IFT46: variants seen among roughly 807,000 people sequenced by gnomAD.
IFT46 encodes intraflagellar transport protein 46 homolog.
In IFT46, 19 loss-of-function variants were observed where a neutral mutation model predicts 39.6. That is an observed-to-expected ratio of 0.48 (90% CI 0.33 to 0.70). The LOEUF (loss-of-function observed/expected upper bound fraction) is 0.70, where lower values mean the gene tolerates loss of function less well. Among genes scored for constraint, IFT46 ranks in the 30% least tolerant of loss-of-function variants. The pLI, the probability that IFT46 is intolerant of heterozygous loss-of-function variation, is 0.01. For synonymous variants in IFT46, 117 were observed against 134.8 expected, an observed-to-expected ratio of 0.87 and a Z score of 0.91; for missense variants, 334 against 364.8, an observed-to-expected ratio of 0.92 and a Z score of 0.69.
chr11:118,572,265 T>C (rs535153076), intron 1 of IFT46: 1 of 458,336 alleles, frequency 2.2e-6, no homozygotes, highest in East Asian at 3.3e-5. Flanking sequence ...GTTCCACAGC[T>C]GGAGGGTGAA....
chr11:118,558,581 C>A (rs1206267111), intron 3 of IFT46, among the ~76,000 whole-genome samples: 3 of 151,624 alleles, frequency 2.0e-5, no homozygotes, highest in African/African-American at 7.3e-5. Context: ...GGCAACAGAG[C>A]GAGATGACTC....
At chr11:118,557,126 C>T (rs1006280801) in intron 3 of IFT46, 81 bp from the exon 4 acceptor site, 2 of 1,250,688 alleles carry the variant, frequency 1.6e-6, no homozygotes, top group Non-Finnish European at 2.1e-6. Context: ...ATTGCTCTAA[C>T]CAATACACCA....
At chr11:118,574,704 A>G (rs1555073135), upstream of IFT46, among the ~76,000 whole-genome samples, 1 of 152,188 alleles carries the variant, frequency 6.6e-6, no homozygotes. Flanking sequence ...TGCAGAAACA[A>G]ATGCTTTCTC....
At chr11:118,551,126 C>G (rs145968026) in intron 9 of IFT46, among the ~76,000 whole-genome samples, 2,157 of 151,784 alleles carry the variant, frequency 0.014, 36 homozygotes, top group Middle Eastern at 0.051. Context: ...AATCCTAGCA[C>G]TTTGGGAGGC....
chr11:118,566,402 A>C (rs967448074), upstream of IFT46, among the ~76,000 whole-genome samples: 2 of 152,244 alleles, frequency 1.3e-5, no homozygotes, highest in African/African-American at 2.4e-5. Flanking sequence ...GTTCAAATTT[A>C]ACTCTGTGGG....
chr11:118,570,560 A>G (rs1234153028), upstream of IFT46, among the ~76,000 whole-genome samples: 4 of 152,226 alleles, frequency 2.6e-5, no homozygotes, highest in Non-Finnish European at 5.9e-5. Flanking sequence ...CAGGTTTAAT[A>G]TGGATGAGTG....
intron 2 of IFT46, chr11:118,561,472 AAAG>A: frequency 1.3e-6 from 1 of 789,504 alleles, no homozygotes; most frequent in Non-Finnish European, 2.2e-6. Flanking sequence ...AAGAAGTTAA[AAAG>A]AATAGGTGGA....
intron 7 of IFT46, among the ~76,000 whole-genome samples, chr11:118,554,122 C>T (rs1239128464): frequency 1.3e-5 from 2 of 150,270 alleles, no homozygotes; most frequent in African/African-American, 4.9e-5. Flanking sequence ...ATGATCTCGA[C>T]TCACTGCAAG....
At chr11:118,552,425 T>G (rs1042069548) in intron 7 of IFT46, 90 bp from the exon 8 acceptor site, 27 of 1,491,522 alleles carry the variant, frequency 1.8e-5, no homozygotes, top group Non-Finnish European at 2.4e-5. Context: ...CTGTTTCATA[T>G]TCGAGCTTGC....
intron 3 of IFT46, chr11:118,557,823 G>C: frequency 6.2e-7 from 1 of 1,614,132 alleles, no homozygotes. Flanking sequence ...ACTTGCAGGG[G>C]CAGGTGGAAC....
At chr11:118,547,976 G>C (rs1555067604) in intron 9 of IFT46, among the ~76,000 whole-genome samples, 1 of 147,888 alleles carries the variant, frequency 6.8e-6, no homozygotes, top group Non-Finnish European at 1.5e-5. Context: ...TCGATCTCCT[G>C]ACTTCGTGAT....
intron 3 of IFT46, among the ~76,000 whole-genome samples, chr11:118,559,023 C>G (rs539939945): frequency 6.6e-6 from 1 of 150,886 alleles, no homozygotes; most frequent in African/African-American, 2.4e-5. Context: ...CCCGCCACCA[C>G]GCCCAGCTAA....
At chr11:118,567,043 A>T (rs781997350), upstream of IFT46, among the ~76,000 whole-genome samples, 1 of 151,930 alleles carries the variant, frequency 6.6e-6, no homozygotes, top group African/African-American at 2.4e-5. Flanking sequence ...GACCAGCTAG[A>T]GCAACATAGC....
chr11:118,572,681 C>G, exon 1 of IFT46: 1 of 1,222,056 alleles, frequency 8.2e-7, no homozygotes, highest in Non-Finnish European at 1.2e-6. Flanking sequence ...GCTCCGGGCT[C>G]GGGGAGCAGT....
chr11:118,561,384 C>A, intron 2 of IFT46: 1 of 840,156 alleles, frequency 1.2e-6, no homozygotes, highest in Non-Finnish European at 2.1e-6. Context: ...AGCGTAACTC[C>A]AGACATGATG....
chr11:118,564,161 C>A (rs1555071023), intron 2 of IFT46, among the ~76,000 whole-genome samples: 1 of 138,230 alleles, frequency 7.2e-6, no homozygotes, highest in East Asian at 2.1e-4. Flanking sequence ...TGCACTCCAG[C>A]CTGTGTGATA....
chr11:118,555,345 T>G (rs781880943), intron 4 of IFT46, 23 bp from the exon 5 acceptor site: 1 of 1,603,654 alleles, frequency 6.2e-7, no homozygotes, highest in Non-Finnish European at 8.5e-7. Context: ...AAACAGTTTG[T>G]TCGAGGTGGC....
intron 9 of IFT46, chr11:118,546,602 C>A (rs1951692819): frequency 5.8e-6 from 1 of 173,452 alleles, no homozygotes; most frequent in African/African-American, 2.4e-5. Context: ...GATGTCTAAG[C>A]CACTCAGTCT....
At chr11:118,575,230 G>A (rs2135529824), upstream of IFT46, among the ~76,000 whole-genome samples, 1 of 152,160 alleles carries the variant, frequency 6.6e-6, no homozygotes, top group East Asian at 1.9e-4. Context: ...TGCCCGCCTC[G>A]GCCTCCCAAA....
Sources: allele counts gnomAD v4.1 joint callset (sites outside exome capture counted in the v4.1 genomes callset), GRCh38; gene constraint gnomAD v4.1.1; transcripts MANE v1.5; gene names NCBI Gene and HGNC (gene_info 2026-07-23, HGNC 2026-07-21).